FRMD3: variants seen among roughly 807,000 people sequenced by gnomAD.
The protein encoded by FRMD3 is FERM domain-containing protein 3.
FRMD3 carries 33 observed loss-of-function variants against 70.2 expected under a neutral mutation model. That is an observed-to-expected ratio of 0.47 (90% confidence interval 0.36 to 0.63). The LOEUF is 0.63. Among genes scored for constraint, FRMD3 ranks in the 20% least tolerant of loss-of-function variants. The pLI is 0.00. For missense variants in FRMD3, 632 were observed against 711.4 expected (o/e 0.89, Z 1.27); for synonymous variants, 279 against 255.9 (o/e 1.09, Z -0.86).
the FRMD3 span, among the ~76,000 whole-genome samples, chr9:83,568,535 G>A: frequency 6.6e-6 from 1 of 152,058 alleles, no homozygotes; most frequent in Non-Finnish European, 1.5e-5. Context: ...AAATATGCCA[G>A]GCACAGAAAG....
At chr9:83,332,965 CA>C (rs1057511352) in intron 6 of FRMD3, among the ~76,000 whole-genome samples, 1 of 152,160 alleles carries the variant, frequency 6.6e-6, no homozygotes, top group Non-Finnish European at 1.5e-5. Context: ...AACCAAGGCC[CA>C]ATTCCTTACA....
intron 3 of FRMD3, among the ~76,000 whole-genome samples, chr9:83,366,619 G>A (rs1025380858): frequency 3.3e-5 from 5 of 152,128 alleles, no homozygotes; most frequent in African/African-American, 7.2e-5. Context: ...GAGTTACCCT[G>A]AAGTGACAAG....
intron 1 of FRMD3, among the ~76,000 whole-genome samples, chr9:83,490,015 T>C (rs2131494459): frequency 6.6e-6 from 1 of 152,302 alleles, no homozygotes; most frequent in African/African-American, 2.4e-5. Context: ...CCTAGAGAAC[T>C]TGAATTCCCC....
chr9:83,368,138 C>T (rs1005354648), intron 3 of FRMD3, among the ~76,000 whole-genome samples: 2 of 152,000 alleles, frequency 1.3e-5, no homozygotes, highest in African/African-American at 2.4e-5. Flanking sequence ...CCAGTGGTTG[C>T]GAGTTGTTGG....
At chr9:83,320,152 T>G (rs1307161769) in intron 6 of FRMD3, among the ~76,000 whole-genome samples, 1 of 152,184 alleles carries the variant, frequency 6.6e-6, no homozygotes, top group Non-Finnish European at 1.5e-5. Context: ...TTTTTTTTTC[T>G]CTAGTCTGAT....
intron 13 of FRMD3, chr9:83,267,005 C>A (rs776787352): frequency 4.3e-5 from 67 of 1,550,546 alleles, no homozygotes; most frequent in Non-Finnish European, 5.8e-5. Flanking sequence ...CAGGGCACCA[C>A]ACATACCAGT....
At chr9:83,583,345 AGAGG>A in the FRMD3 span, among the ~76,000 whole-genome samples, 2 of 152,174 alleles carry the variant, frequency 1.3e-5, no homozygotes, top group African/African-American at 4.8e-5. Flanking sequence ...TCCTGCCAGC[AGAGG>A]GAGGGGTAGA....
chr9:83,366,403 T>C (rs1404550374), intron 3 of FRMD3, among the ~76,000 whole-genome samples: 1 of 152,048 alleles, frequency 6.6e-6, no homozygotes, highest in Non-Finnish European at 1.5e-5. Context: ...AAACCCCATC[T>C]CTACTAAAAA....
At chr9:83,334,639 G>C (rs1163852654) in intron 6 of FRMD3, among the ~76,000 whole-genome samples, 1 of 151,886 alleles carries the variant, frequency 6.6e-6, no homozygotes, top group Non-Finnish European at 1.5e-5. Context: ...TTTTTCTGTA[G>C]TTTGCACAGT....
intron 1 of FRMD3, among the ~76,000 whole-genome samples, chr9:83,525,403 A>G (rs1169109905): frequency 1.3e-5 from 2 of 152,202 alleles, no homozygotes; most frequent in Non-Finnish European, 2.9e-5. Context: ...AACTTGAATT[A>G]TTTTAATTTT....
At chr9:83,488,035 AC>A (rs890582624) in intron 1 of FRMD3, among the ~76,000 whole-genome samples, 1 of 151,918 alleles carries the variant, frequency 6.6e-6, no homozygotes, top group Non-Finnish European at 1.5e-5. Flanking sequence ...ATAGAAATAG[AC>A]CCCCCAAGCT....
intron 4 of FRMD3, among the ~76,000 whole-genome samples, chr9:83,345,122 T>A (rs1823911978): frequency 6.6e-6 from 1 of 152,198 alleles, no homozygotes; most frequent in African/African-American, 2.4e-5. Context: ...GGCTCACTGA[T>A]GTTTTCCTTC....
intron 13 of FRMD3, among the ~76,000 whole-genome samples, chr9:83,262,064 G>C (rs2118703533): frequency 6.6e-6 from 1 of 152,296 alleles, no homozygotes; most frequent in South Asian, 2.1e-4. Flanking sequence ...TCAGTTTCAT[G>C]TAACTCAATA....
chr9:83,244,131 T>G (rs199719319), downstream of FRMD3, among the ~76,000 whole-genome samples: 1 of 60,368 alleles, frequency 1.7e-5, no homozygotes. Context: ...TCCATCATCA[T>G]CTCAAAAAAA....
At chr9:83,456,175 T>C (rs1173581612) in intron 1 of FRMD3, among the ~76,000 whole-genome samples, 4 of 152,234 alleles carry the variant, frequency 2.6e-5, no homozygotes, top group South Asian at 2.1e-4. Context: ...CTTTTTAATA[T>C]AAATGGTAGC....
chr9:83,350,787 A>C, intron 3 of FRMD3: 1 of 948,256 alleles, frequency 1.1e-6, no homozygotes, highest in Non-Finnish European at 1.3e-6. Context: ...AATTTGCCTC[A>C]AATATCCAGA....
At chr9:83,382,282 C>G (rs1359351355) in intron 2 of FRMD3, among the ~76,000 whole-genome samples, 1 of 151,968 alleles carries the variant, frequency 6.6e-6, no homozygotes, top group Non-Finnish European at 1.5e-5. Flanking sequence ...AAATTTCCAA[C>G]TTTTATTTTA....
In FRMD3 at chr9:83,468,303, T is replaced by C. The variant is rs551696236; in HGVS notation, c.147+69782A>G. Among the ~76,000 whole-genome samples, 7 of 152,356 alleles carry C rather than the reference T, an allele frequency of 4.6e-5. No homozygotes were observed. The South Asian group carries it at 1.4e-3, about 32-fold the overall frequency. ...TGACTTAAGTCATTCTATTTATATG[T>C]CTTTTCTAGGTATATCACCCACAAA... On this transcript the variant is annotated intron_variant, in intron 1 of 13. Coordinates refer to ENST00000304195, the MANE Select transcript of FRMD3 (RefSeq NM_174938.6).
At chr9:83,403,503 G>T (rs1358290895) in intron 1 of FRMD3, among the ~76,000 whole-genome samples, 1 of 152,134 alleles carries the variant, frequency 6.6e-6, no homozygotes, top group African/African-American at 2.4e-5. Context: ...TCCTGAGAAG[G>T]TTGAGAGGCT....
Sources: allele counts gnomAD v4.1 joint callset (sites outside exome capture counted in the v4.1 genomes callset), GRCh38; gene constraint gnomAD v4.1.1; transcripts MANE v1.5; gene names NCBI Gene and HGNC (gene_info 2026-07-23, HGNC 2026-07-21).